The following IQCJ variants were observed in gnomAD, a reference collection of about 807,000 sequenced individuals.
The protein encoded by IQCJ is IQ motif containing J.
A neutral mutation model predicts 11.0 loss-of-function variants in IQCJ; 9 were observed. That is an observed-to-expected ratio of 0.82 (90% confidence interval 0.49 to 1.43). IQCJ has a LOEUF of 1.43. IQCJ is among the 40% of genes most tolerant of loss of function. The pLI is 0.00. For synonymous variants in IQCJ, 55 were observed against 51.3 expected, an observed-to-expected ratio of 1.07 and a Z score of -0.31; for missense variants, 146 against 133.2, an observed-to-expected ratio of 1.10 and a Z score of -0.47.
At chr3:159,105,425 C>T (rs1268876835) in intron 1 of IQCJ, among the ~76,000 whole-genome samples, 20 of 152,084 alleles carry the variant, frequency 1.3e-4, no homozygotes, top group Admixed American at 1.3e-3. Flanking sequence ...TTTTATTGAG[C>T]ATCTACTACA....
At chr3:159,212,461 A>G (rs959852708) in intron 1 of IQCJ, among the ~76,000 whole-genome samples, 2 of 152,228 alleles carry the variant, frequency 1.3e-5, no homozygotes, top group Non-Finnish European at 2.9e-5. Flanking sequence ...TAAGTATTAC[A>G]TAAATGTTAG....
intron 1 of IQCJ, among the ~76,000 whole-genome samples, chr3:159,167,293 A>G (rs867454425): frequency 2.0e-5 from 3 of 152,348 alleles, no homozygotes; most frequent in African/African-American, 7.2e-5. Context: ...TTGATAAAGC[A>G]AAGCAGAATA....
intron 1 of IQCJ, among the ~76,000 whole-genome samples, chr3:159,199,764 C>T: frequency 6.6e-6 from 1 of 151,878 alleles, no homozygotes; most frequent in East Asian, 1.9e-4. Context: ...GATACTGGGT[C>T]ACAATGGTCT....
rs868598797 is a variant in IQCJ at position 159,119,287 on chromosome 3, A to G, written c.9+49846A>G. Among the ~76,000 whole-genome samples the G allele has an allele frequency of 3.9e-5, 6 of 152,336 alleles. 1 individual carries two copies. Among genetic ancestry groups the G allele is most frequent in the African/African-American group, 1.4e-4 (6 of 41,574 alleles). On this transcript the variant is annotated intron_variant, in intron 1 of 3. Coordinates refer to ENST00000397832, the MANE Select transcript of IQCJ (RefSeq NM_001042706.3). Reference sequence around the variant, plus strand: ...GGACATAACTCCTTGTAAATGGTAGATGACATTTTAGTTGGGTGCTGAGGA... The same window carrying G: ...GGACATAACTCCTTGTAAATGGTAGGTGACATTTTAGTTGGGTGCTGAGGA...
At chr3:159,212,419 G>A (rs905419468) in intron 1 of IQCJ, among the ~76,000 whole-genome samples, 5 of 152,168 alleles carry the variant, frequency 3.3e-5, no homozygotes, top group Admixed American at 6.5e-5. Context: ...TGAATTAAAT[G>A]TTTGGTACTT....
chr3:159,129,247 G>A (rs1719853602), intron 1 of IQCJ, among the ~76,000 whole-genome samples: 2 of 152,074 alleles, frequency 1.3e-5, no homozygotes, highest in African/African-American at 4.8e-5. Context: ...CAGAAAGTTG[G>A]GATGATAACA....
At chr3:159,106,819 C>T (rs966218191) in intron 1 of IQCJ, among the ~76,000 whole-genome samples, 1 of 152,128 alleles carries the variant, frequency 6.6e-6, no homozygotes, top group African/African-American at 2.4e-5. Flanking sequence ...CCCGTGACCC[C>T]TTCTTTGGGT....
At chr3:159,242,236 G>C (rs1190717293) in intron 1 of IQCJ, among the ~76,000 whole-genome samples, 2 of 152,186 alleles carry the variant, frequency 1.3e-5, no homozygotes, top group Non-Finnish European at 2.9e-5. Context: ...ATGGTGATGA[G>C]TTTGGATTTC....
chr3:159,172,462 A>G (rs1037345374), intron 1 of IQCJ, among the ~76,000 whole-genome samples: 34 of 152,070 alleles, frequency 2.2e-4, no homozygotes, highest in Non-Finnish European at 4.3e-4. Flanking sequence ...GTGTTTATCA[A>G]TTTTATAACT....
chr3:159,129,553 G>A (rs974820579), intron 1 of IQCJ, among the ~76,000 whole-genome samples: 1 of 152,136 alleles, frequency 6.6e-6, no homozygotes, highest in Non-Finnish European at 1.5e-5. Flanking sequence ...AAATTTCTCT[G>A]TGTAATAGAG....
At chr3:159,259,764 G>A (rs1190797559) in intron 3 of IQCJ, among the ~76,000 whole-genome samples, 1 of 152,148 alleles carries the variant, frequency 6.6e-6, no homozygotes, top group Non-Finnish European at 1.5e-5. Flanking sequence ...AGCCTGGTGT[G>A]ACATGATGGC....
intron 1 of IQCJ, among the ~76,000 whole-genome samples, chr3:159,118,159 T>G (rs373874469): frequency 5.9e-5 from 9 of 152,226 alleles, no homozygotes; most frequent in Non-Finnish European, 7.4e-5. Context: ...AATGGAATTT[T>G]AAGGTACTAA....
At chr3:159,117,763 A>G (rs936653954) in intron 1 of IQCJ, among the ~76,000 whole-genome samples, 1 of 152,186 alleles carries the variant, frequency 6.6e-6, no homozygotes, top group African/African-American at 2.4e-5. Flanking sequence ...AATAGTAGAG[A>G]CAGTTTCTGC....
Position 159,262,538 on chromosome 3 carries a change from G to A in IQCJ, c.156-10G>A. ...TGTGTGCTGTTTTTTGTTTTGTTTTGTTTTTTCAGCATTCAGCGAGCATGG... is the reference window on the plus strand; with the variant it reads ...TGTGTGCTGTTTTTTGTTTTGTTTTATTTTTTCAGCATTCAGCGAGCATGG... On this transcript the variant is annotated splice_polypyrimidine_tract_variant and intron_variant, in intron 3 of 3. Coordinates refer to ENST00000397832, the MANE Select transcript of IQCJ (RefSeq NM_001042706.3). 3.7e-6 allele frequency: 6 copies of A among 1,610,488 alleles called. No individual in the cohort carries two copies. Among genetic ancestry groups the A allele is most frequent in the Non-Finnish European group, 5.1e-6 (6 of 1,177,942 alleles).
At chr3:159,153,035 T>C (rs942850533) in intron 1 of IQCJ, among the ~76,000 whole-genome samples, 8 of 152,200 alleles carry the variant, frequency 5.3e-5, no homozygotes, top group Non-Finnish European at 1.2e-4. Flanking sequence ...TCCTGAGTCA[T>C]TTCAGGAAAG....
At chr3:159,087,823 G>A (rs1371877543) in intron 1 of IQCJ, among the ~76,000 whole-genome samples, 1 of 150,414 alleles carries the variant, frequency 6.6e-6, no homozygotes, top group Non-Finnish European at 1.5e-5. Context: ...TTCTTTATTA[G>A]TCTTGCTAGT....
At chr3:159,199,191 T>C (rs1724171088) in intron 1 of IQCJ, among the ~76,000 whole-genome samples, 1 of 152,190 alleles carries the variant, frequency 6.6e-6, no homozygotes, top group South Asian at 2.1e-4. Flanking sequence ...GCAGATTTGA[T>C]TAAGAACCCT....
intron 1 of IQCJ, among the ~76,000 whole-genome samples, chr3:159,139,361 C>G (rs1720472691): frequency 6.6e-6 from 1 of 152,068 alleles, no homozygotes; most frequent in South Asian, 2.1e-4. Context: ...TGTGTGACAG[C>G]ATATTGTTAG....
chr3:159,126,271 C>T (rs1719673605), intron 1 of IQCJ, among the ~76,000 whole-genome samples: 1 of 152,164 alleles, frequency 6.6e-6, no homozygotes, highest in African/African-American at 2.4e-5. Flanking sequence ...TCAGTTTGCT[C>T]ATCTAAAAAG....
Sources: gnomAD v4.1 joint callset for allele counts (sites outside exome capture counted in the v4.1 genomes callset) on GRCh38, gnomAD v4.1.1 for gene constraint, MANE v1.5 for transcripts, NCBI Gene and HGNC (gene_info 2026-07-23, HGNC 2026-07-21) for gene names.